Variants in XPR1 observed in about 807,000 individuals in gnomAD.
The protein encoded by XPR1 is solute carrier family 53 member 1.
In XPR1, 28 loss-of-function variants were observed where a neutral mutation model predicts 87.5. That is an observed-to-expected ratio of 0.32 (90% CI 0.24 to 0.44). XPR1 has a LOEUF of 0.44. XPR1 is among the 20% of genes least tolerant of loss of function. The probability of loss-of-function intolerance (pLI) is 1.00; values close to 1 mark genes in which losing one functional copy is unlikely to be tolerated. For synonymous variants in XPR1, 300 were observed against 306.1 expected, an observed-to-expected ratio of 0.98 and a Z score of 0.21; for missense variants, 559 against 862.3, an observed-to-expected ratio of 0.65 and a Z score of 4.41.
intron 11 of XPR1, among the ~76,000 whole-genome samples, chr1:180,845,518 G>T (rs1041957222): frequency 7.2e-5 from 11 of 152,168 alleles, no homozygotes; most frequent in African/African-American, 2.7e-4. Context: ...ATGACTGTGT[G>T]TGTGTGTGTC....
intron 7 of XPR1, among the ~76,000 whole-genome samples, chr1:180,813,421 C>T (rs572856337): frequency 5.9e-5 from 9 of 152,246 alleles, no homozygotes; most frequent in South Asian, 2.1e-4. Flanking sequence ...CTTTAGCCTA[C>T]GTTAGTTTTC....
At chr1:180,837,260 C>T (rs1054370954) in intron 11 of XPR1, among the ~76,000 whole-genome samples, 1 of 152,162 alleles carries the variant, frequency 6.6e-6, no homozygotes, top group Non-Finnish European at 1.5e-5. Context: ...CCACATGCAG[C>T]CACTCCTTTT....
At chr1:180,685,220 C>T (rs1367140291) in intron 2 of XPR1, among the ~76,000 whole-genome samples, 1 of 152,110 alleles carries the variant, frequency 6.6e-6, no homozygotes, top group African/African-American at 2.4e-5. Context: ...TGTCAATGGC[C>T]TTTTCTGCAT....
intron 2 of XPR1, among the ~76,000 whole-genome samples, chr1:180,742,302 AGC>A (rs1658948060): frequency 6.6e-6 from 1 of 152,102 alleles, no homozygotes; most frequent in Non-Finnish European, 1.5e-5. Context: ...GCACTGTTTT[AGC>A]AGTATCCCTC....
At chr1:180,642,167 G>T (rs1428950028) in intron 1 of XPR1, among the ~76,000 whole-genome samples, 1 of 152,176 alleles carries the variant, frequency 6.6e-6, no homozygotes, top group Non-Finnish European at 1.5e-5. Flanking sequence ...AGATAGGACC[G>T]AGGAATTATG....
intron 12 of XPR1, among the ~76,000 whole-genome samples, chr1:180,864,971 G>A (rs1571904545): frequency 6.6e-6 from 1 of 152,328 alleles, no homozygotes; most frequent in South Asian, 2.1e-4. Flanking sequence ...GGAGAGGGAA[G>A]TGTAGATTAG....
At chr1:180,656,794 C>T (rs183977822) in intron 1 of XPR1, among the ~76,000 whole-genome samples, 107 of 147,892 alleles carry the variant, frequency 7.2e-4, no homozygotes, top group Non-Finnish European at 1.5e-3. Context: ...AGTGCTGCAA[C>T]AAATGTGGGA....
At chr1:180,714,697 ACCTGACCCT>A (rs1390538513) in intron 2 of XPR1, among the ~76,000 whole-genome samples, 1 of 151,588 alleles carries the variant, frequency 6.6e-6, no homozygotes, top group Non-Finnish European at 1.5e-5. Context: ...GAACCACCAC[ACCTGACCCT>A]GTTTTCTTTT....
rs1652809441 is a variant in XPR1 at position 180,880,299 on chromosome 1, T to C, written c.2030+2T>C. On this transcript the variant is annotated splice_donor_variant, in intron 14 of 14. Coordinates refer to ENST00000367590, the MANE Select transcript of XPR1 (RefSeq NM_004736.4). LOFTEE classifies it high-confidence loss of function. ...GCGCCGGCCTCGCCTCGCTTCTCAG[T>C]ATGTATGGCTTCTACTTCTGTGAGG... 1.2e-6 allele frequency: 2 copies of C among 1,614,024 alleles called. No individual in the cohort carries two copies. Among genetic ancestry groups the C allele is most frequent in the Non-Finnish European group, 8.5e-7 (1 of 1,179,990 alleles).
At chr1:180,730,476 C>T (rs1251048091) in intron 2 of XPR1, among the ~76,000 whole-genome samples, 1 of 152,182 alleles carries the variant, frequency 6.6e-6, no homozygotes, top group Non-Finnish European at 1.5e-5. Context: ...ATTCTGCCTC[C>T]ATTAAGCTTA....
chr1:180,687,829 A>T (rs1034235524), intron 2 of XPR1, among the ~76,000 whole-genome samples: 3 of 151,708 alleles, frequency 2.0e-5, no homozygotes, highest in African/African-American at 7.3e-5. Flanking sequence ...GGTATTCCTT[A>T]TCAATATATA....
chr1:180,860,191 A>T (rs960095542), intron 11 of XPR1, among the ~76,000 whole-genome samples: 1 of 151,940 alleles, frequency 6.6e-6, no homozygotes, highest in Admixed American at 6.6e-5. Flanking sequence ...GAGTAGCTAA[A>T]TTTTTTTTAA....
chr1:180,679,646 A>G (rs943708552), intron 1 of XPR1, among the ~76,000 whole-genome samples: 3 of 152,208 alleles, frequency 2.0e-5, no homozygotes, highest in African/African-American at 7.2e-5. Flanking sequence ...TTGAGAGATT[A>G]AACTGCAGCC....
chr1:180,712,433 T>C (rs546228087), intron 2 of XPR1, among the ~76,000 whole-genome samples: 1 of 152,362 alleles, frequency 6.6e-6, no homozygotes, highest in South Asian at 2.1e-4. Context: ...AATTTTCTAT[T>C]TAATATTTTC....
chr1:180,824,220 T>C (rs192772677), intron 7 of XPR1, among the ~76,000 whole-genome samples: 56 of 152,302 alleles, frequency 3.7e-4, no homozygotes, highest in African/African-American at 1.2e-3. Context: ...GAAATTATTC[T>C]AGTGACATTC....
At chr1:180,728,519 C>T (rs939727183) in intron 2 of XPR1, among the ~76,000 whole-genome samples, 2 of 152,164 alleles carry the variant, frequency 1.3e-5, no homozygotes, top group Non-Finnish European at 2.9e-5. Flanking sequence ...CTTGTTAAAG[C>T]GCATATTCCG....
At position 180,889,827 on chromosome 1, in the gene XPR1, G is replaced by T. The variant is rs1653130993; in HGVS notation, c.*5761G>T. ...CCCTCTCCCTCCACCACACTGTGTTGGTCAAATGATACTATTCTATGAAAC... is the reference window on the plus strand; with the variant it reads ...CCCTCTCCCTCCACCACACTGTGTTTGTCAAATGATACTATTCTATGAAAC... On this transcript the variant is annotated 3_prime_UTR_variant, in exon 15 of 15. Transcript: ENST00000367590. 1 of 152,132 alleles carries T rather than the reference G, an allele frequency of 6.6e-6. No individual in the cohort carries two copies. The highest frequency in any genetic ancestry group is 2.4e-5 in the African/African-American group (1 of 41,422). 9.4% of individuals were successfully genotyped at this position (152,132 alleles called of 1,614,324 possible).
chr1:180,647,606 A>G (rs529191146), intron 1 of XPR1, among the ~76,000 whole-genome samples: 2 of 152,306 alleles, frequency 1.3e-5, no homozygotes, highest in Admixed American at 6.5e-5. Context: ...TTTAGAATAT[A>G]GCACTAGCCA....
chr1:180,864,111 T>A (rs890245613), intron 12 of XPR1, among the ~76,000 whole-genome samples: 1 of 152,178 alleles, frequency 6.6e-6, no homozygotes, highest in Non-Finnish European at 1.5e-5. Flanking sequence ...CCATAAACTA[T>A]GTTCAGATAA....
Sources: allele counts gnomAD v4.1 joint callset (sites outside exome capture counted in the v4.1 genomes callset), GRCh38; gene constraint gnomAD v4.1.1; transcripts MANE v1.5; gene names NCBI Gene and HGNC (gene_info 2026-07-23, HGNC 2026-07-21).